The following LIPI variants were observed in gnomAD, a reference collection of about 807,000 sequenced individuals.
LIPI encodes lipase member I.
LIPI carries 59 observed loss-of-function variants against 50.6 expected under a neutral mutation model. That is an observed-to-expected ratio of 1.16 (90% confidence interval 0.94 to 1.45). The LOEUF is 1.45. LIPI is among the 40% of genes most tolerant of loss of function. The probability of loss-of-function intolerance (pLI) is 0.00; values close to 1 mark genes in which losing one functional copy is unlikely to be tolerated. For synonymous variants in LIPI, 203 were observed against 178.2 expected (o/e 1.14, Z -1.11); for missense variants, 586 against 536.3 (o/e 1.09, Z -0.92).
chr21:14,153,644 C>A (rs1347373422), intron 7 of LIPI, among the ~76,000 whole-genome samples: 1 of 152,048 alleles, frequency 6.6e-6, no homozygotes, highest in Non-Finnish European at 1.5e-5. Flanking sequence ...GAACTGAAGC[C>A]CTGGACCCCT....
At chr21:14,112,549 T>A (rs1378456222) in intron 9 of LIPI, among the ~76,000 whole-genome samples, 1 of 152,100 alleles carries the variant, frequency 6.6e-6, no homozygotes, top group Non-Finnish European at 1.5e-5. Context: ...AAGAATTGTT[T>A]ACCTTTTTGA....
chr21:14,202,579 G>A (rs1055449655), intron 1 of LIPI, among the ~76,000 whole-genome samples: 1 of 152,038 alleles, frequency 6.6e-6, no homozygotes, highest in African/African-American at 2.4e-5. Context: ...ACAAGAAATG[G>A]GGAAAGGATT....
chr21:14,145,985 A>G (rs923776514), intron 8 of LIPI, among the ~76,000 whole-genome samples: 1 of 152,194 alleles, frequency 6.6e-6, no homozygotes, highest in African/African-American at 2.4e-5. Context: ...TAATGTCATT[A>G]GATATATCAC....
At chr21:14,124,036 A>T (rs2016959476) in intron 9 of LIPI, among the ~76,000 whole-genome samples, 1 of 152,138 alleles carries the variant, frequency 6.6e-6, no homozygotes, top group Admixed American at 6.5e-5. Context: ...TTTTTGGAGG[A>T]TGGTTCTCAT....
At chr21:14,182,171 T>C (rs1193640838) in intron 3 of LIPI, among the ~76,000 whole-genome samples, 1 of 152,172 alleles carries the variant, frequency 6.6e-6, no homozygotes, top group African/African-American at 2.4e-5. Context: ...ACTACAACTA[T>C]TTCTCCTGAA....
At chr21:14,180,092 T>G in intron 4 of LIPI, among the ~76,000 whole-genome samples, 1 of 152,054 alleles carries the variant, frequency 6.6e-6, no homozygotes, top group South Asian at 2.1e-4. Context: ...ATGTCTGTCT[T>G]ATGTGGTTGA....
In LIPI at chr21:14,189,326, A is replaced by C; in HGVS notation, c.140T>G (p.Met47Arg). The change falls in exon 2 of 10, where the codon ATG (methionine) becomes AGG (arginine). Residue 47 changes from methionine to arginine, a missense_variant. By Grantham distance (91) the Met-to-Arg change is moderately conservative (BLOSUM62 -1). Transcript: ENST00000681601. Reference protein sequence around the residue: ...FIPRIETILMMYTRNNLNCAE... With the variant: ...FIPRIETILMRYTRNNLNCAE... ...ACAGTTTAGGTTGTTCCTTGTATAC[A>C]TCATCAGAATGGTCTCTATTCTCGG... 6.2e-7 allele frequency: 1 copy of C among 1,613,214 alleles called. No homozygotes were observed. Among genetic ancestry groups the C allele is most frequent in the Non-Finnish European group, 8.5e-7 (1 of 1,179,188 alleles).
At chr21:14,149,635 G>T (rs1342316930) in intron 8 of LIPI, among the ~76,000 whole-genome samples, 2 of 152,130 alleles carry the variant, frequency 1.3e-5, no homozygotes, top group Admixed American at 1.3e-4. Flanking sequence ...TACAATGGGG[G>T]TACAAGCATT....
At chr21:14,113,952 C>T (rs1338896892) in intron 9 of LIPI, among the ~76,000 whole-genome samples, 1 of 152,046 alleles carries the variant, frequency 6.6e-6, no homozygotes, top group Admixed American at 6.6e-5. Context: ...CCTTGGGAGG[C>T]CAAGGCAGGT....
chr21:14,170,639 A>G (rs1330630162), intron 4 of LIPI, among the ~76,000 whole-genome samples: 1 of 152,232 alleles, frequency 6.6e-6, no homozygotes, highest in Non-Finnish European at 1.5e-5. Context: ...ACAGATGCAG[A>G]AAAGTTTTTT....
intron 1 of LIPI, chr21:14,206,935 T>C (rs1478995782): frequency 7.2e-6 from 11 of 1,521,098 alleles, no homozygotes; most frequent in Non-Finnish European, 1.0e-5. Flanking sequence ...AATAAGACCC[T>C]ATCAGAAGTT....
chr21:14,140,791 TA>T (rs1388411244), intron 9 of LIPI, among the ~76,000 whole-genome samples: 1 of 152,172 alleles, frequency 6.6e-6, no homozygotes, highest in Non-Finnish European at 1.5e-5. Flanking sequence ...CAAATATCTT[TA>T]TTGTTGTTTT....
chr21:14,156,398 C>T (rs1299538926), intron 7 of LIPI, among the ~76,000 whole-genome samples: 3 of 151,578 alleles, frequency 2.0e-5, no homozygotes, highest in Non-Finnish European at 3.0e-5. Context: ...AAGACTCAGC[C>T]CACTAATGTG....
rs779211021 is a variant in LIPI, at chr21:14,165,285, T to A, written c.839A>T (p.Asp280Val). 3.1e-6 allele frequency: 5 copies of A among 1,612,950 alleles called. No individual in the cohort carries two copies. The highest frequency in any genetic ancestry group is 4.2e-6 in the Non-Finnish European group (5 of 1,179,214). The stretch of plus-strand genomic sequence containing the variant: ...GTCCACACATAAGCTAGTCTTGTAA[T>A]CTTTGTATGAACGACAAGGAAATGA... The part of the protein sequence containing the change: ...FISFPCRSYK[D>V]YKTSLCVDCD... Residue 280 changes from aspartate (D) to valine (V), a missense_variant, in exon 6 of 10, where the codon GAT becomes GTT. Coordinates refer to ENST00000681601, the MANE Select transcript of LIPI (RefSeq NM_001302998.2).
At chr21:14,152,518 C>G (rs2018130705) in intron 8 of LIPI, 55 bp downstream of exon 8, 1 of 853,480 alleles carries the variant, frequency 1.2e-6, no homozygotes, top group African/African-American at 1.7e-5. Context: ...GGATGGGATA[C>G]TGAAGAAAGC....
chr21:14,173,443 A>C (rs750989644), intron 4 of LIPI, among the ~76,000 whole-genome samples: 3 of 152,206 alleles, frequency 2.0e-5, no homozygotes, highest in Non-Finnish European at 4.4e-5. Flanking sequence ...GAATGTACAG[A>C]TTCTGAGCCC....
chr21:14,144,831 T>A, intron 8 of LIPI, 32 bp from the exon 9 acceptor site: 1 of 1,429,544 alleles, frequency 7.0e-7, no homozygotes, highest in Non-Finnish European at 9.8e-7. Flanking sequence ...CGCAGCATAT[T>A]AATAATTTGA....
intron 9 of LIPI, among the ~76,000 whole-genome samples, chr21:14,116,528 G>T (rs950661551): frequency 2.6e-5 from 4 of 152,202 alleles, no homozygotes; most frequent in African/African-American, 9.7e-5. Flanking sequence ...AGAACTTTAA[G>T]AAAGGCTTTG....
chr21:14,171,522 A>G (rs2018906496), intron 4 of LIPI, among the ~76,000 whole-genome samples: 2 of 150,564 alleles, frequency 1.3e-5, no homozygotes, highest in South Asian at 4.3e-4. Context: ...ACAGAGATAT[A>G]GATCAATGGA....
Sources: allele counts gnomAD v4.1 joint callset (sites outside exome capture counted in the v4.1 genomes callset), GRCh38; gene constraint gnomAD v4.1.1; transcripts MANE v1.5; gene names NCBI Gene and HGNC (gene_info 2026-07-23, HGNC 2026-07-21).